Variants in COL21A1 observed in about 807,000 individuals in gnomAD.
COL21A1 encodes collagen type XXI alpha 1 chain.
Under a neutral mutation model 137.9 loss-of-function variants are expected in COL21A1, and 149 were observed. The ratio of observed to expected loss-of-function variants is 1.08; its 90% CI spans 0.95 to 1.24. The LOEUF is 1.24. Among genes scored for constraint, COL21A1 ranks in the 50% most tolerant of loss-of-function variants. The pLI, the probability that COL21A1 is intolerant of heterozygous loss-of-function variation, is 0.00. For synonymous variants in COL21A1, 456 were observed against 391.5 expected, an observed-to-expected ratio of 1.16 and a Z score of -1.95; for missense variants, 1,167 against 1,158.4, an observed-to-expected ratio of 1.01 and a Z score of -0.11.
intron 1 of COL21A1, among the ~76,000 whole-genome samples, chr6:56,258,177 A>C (rs748077267): frequency 3.3e-5 from 5 of 152,134 alleles, no homozygotes; most frequent in Non-Finnish European, 7.3e-5. Flanking sequence ...TCTTGACAAC[A>C]TTCACATGTA....
At chr6:56,390,864 A>G (rs2094028199) in intron 1 of COL21A1, among the ~76,000 whole-genome samples, 1 of 152,172 alleles carries the variant, frequency 6.6e-6, no homozygotes, top group Non-Finnish European at 1.5e-5. Context: ...CCCCAATTCA[A>G]TAATTGTTGG....
intron 1 of COL21A1, among the ~76,000 whole-genome samples, chr6:56,378,286 C>T (rs1222962106): frequency 1.3e-5 from 2 of 152,150 alleles, no homozygotes; most frequent in African/African-American, 4.8e-5. Flanking sequence ...GGTCCCCGAT[C>T]CCAGGACTCA....
intron 12 of COL21A1, among the ~76,000 whole-genome samples, chr6:56,134,994 C>T (rs992874542): frequency 1.1e-4 from 17 of 152,034 alleles, no homozygotes; most frequent in African/African-American, 3.9e-4. Flanking sequence ...GCTTACCTAA[C>T]TTTACTCCAA....
Position 56,179,558 on chromosome 6 carries a change from T to C in COL21A1, c.640+20A>G, listed in dbSNP as rs369177528. ...ATTATTAATTGCTTCCAAATTATAT[T>C]AAGGCATTTTAAGGCTTACCTTCAC... On this transcript the variant is annotated intron_variant, in intron 3 of 29. Transcript: ENST00000244728. 3.2e-6 allele frequency: 5 copies of C among 1,570,438 alleles called. No individual in the cohort carries two copies. The highest frequency in any genetic ancestry group is 4.3e-6 in the Non-Finnish European group (5 of 1,154,666).
intron 1 of COL21A1, among the ~76,000 whole-genome samples, chr6:56,384,384 T>G (rs2152352533): frequency 1.3e-5 from 2 of 152,300 alleles, no homozygotes; most frequent in Middle Eastern, 6.8e-3. Context: ...GACCTTTTAT[T>G]TTGATCTGTG....
At chr6:56,390,986 C>G (rs1178516451) in intron 1 of COL21A1, among the ~76,000 whole-genome samples, 3 of 152,148 alleles carry the variant, frequency 2.0e-5, no homozygotes, top group African/African-American at 7.2e-5. Context: ...TAGACATTTA[C>G]AGAGCATTTG....
chr6:56,289,980 C>G (rs1764002467), intron 1 of COL21A1, among the ~76,000 whole-genome samples: 1 of 152,022 alleles, frequency 6.6e-6, no homozygotes, highest in Non-Finnish European at 1.5e-5. Context: ...CCTTGTCCAG[C>G]CCACCGCCAC....
chr6:56,226,002 T>A (rs1438942039), intron 1 of COL21A1: 1 of 152,074 alleles, frequency 6.6e-6, no homozygotes, highest in African/African-American at 2.4e-5. Flanking sequence ...AAGAGTATTA[T>A]GCCTGCATTT....
chr6:56,319,279 A>G, intron 1 of COL21A1, among the ~76,000 whole-genome samples: 1 of 152,116 alleles, frequency 6.6e-6, no homozygotes, highest in South Asian at 2.1e-4. Context: ...AGGCAGAGTC[A>G]AGAGGGGAAG....
chr6:56,151,082 C>G (rs929405396), intron 10 of COL21A1, among the ~76,000 whole-genome samples: 1 of 151,532 alleles, frequency 6.6e-6, no homozygotes, highest in African/African-American at 2.4e-5. Flanking sequence ...AAAAATTGAC[C>G]GGGCGTGGTG....
intron 1 of COL21A1, among the ~76,000 whole-genome samples, chr6:56,301,497 CTTT>C (rs1764278140): frequency 6.6e-6 from 1 of 152,106 alleles, no homozygotes; most frequent in African/African-American, 2.4e-5. Context: ...AATTTCTGTT[CTTT>C]TAAGCCACTA....
At chr6:56,263,624 C>T (rs62411896) in intron 1 of COL21A1, among the ~76,000 whole-genome samples, 60,103 of 151,988 alleles carry the variant, frequency 0.4, 13,389 homozygotes, top group African/African-American at 0.59. Context: ...AAGCTAAGCG[C>T]ATGTCCCCAG....
At chr6:56,176,393 AAAAT>A (rs1326418334) in intron 3 of COL21A1, among the ~76,000 whole-genome samples, 1 of 149,990 alleles carries the variant, frequency 6.7e-6, no homozygotes, top group Non-Finnish European at 1.5e-5. Context: ...GTTAACATTC[AAAAT>A]AAATAATAAA....
chr6:56,187,470 T>C (rs1428338323), intron 1 of COL21A1, among the ~76,000 whole-genome samples: 2 of 152,172 alleles, frequency 1.3e-5, no homozygotes, highest in Non-Finnish European at 2.9e-5. Context: ...GAAAGCATGG[T>C]ACTATATTGA....
intron 1 of COL21A1, among the ~76,000 whole-genome samples, chr6:56,212,577 A>T (rs1453010323): frequency 6.6e-6 from 1 of 152,098 alleles, no homozygotes; most frequent in East Asian, 1.9e-4. Flanking sequence ...ACAACTAATC[A>T]TGAAAAACAA....
At chr6:56,299,674 C>T (rs916337960) in intron 1 of COL21A1, among the ~76,000 whole-genome samples, 1 of 151,952 alleles carries the variant, frequency 6.6e-6, no homozygotes, top group South Asian at 2.1e-4. Flanking sequence ...ATCAGACTTC[C>T]ATCTTCATCA....
At chr6:56,275,047 A>G (rs1177831541) in intron 1 of COL21A1, among the ~76,000 whole-genome samples, 1 of 152,152 alleles carries the variant, frequency 6.6e-6, no homozygotes, top group East Asian at 1.9e-4. Flanking sequence ...TAGAGAACCC[A>G]GAAATAAAGT....
chr6:56,212,364 T>C (rs975217845), intron 1 of COL21A1, among the ~76,000 whole-genome samples: 34 of 152,062 alleles, frequency 2.2e-4, no homozygotes, highest in Admixed American at 5.9e-4. Flanking sequence ...AAGAATATTA[T>C]TCTTACTGTG....
intron 17 of COL21A1, among the ~76,000 whole-genome samples, chr6:56,094,196 G>A (rs891267429): frequency 2.0e-5 from 3 of 151,728 alleles, no homozygotes; most frequent in Admixed American, 1.3e-4. Context: ...TGGCAATCTC[G>A]TCAGCTAAAT....
Sources: allele counts gnomAD v4.1 joint callset (sites outside exome capture counted in the v4.1 genomes callset), GRCh38; gene constraint gnomAD v4.1.1; transcripts MANE v1.5; gene names NCBI Gene and HGNC (gene_info 2026-07-23, HGNC 2026-07-21).